Variants in KANK3 observed in about 807,000 individuals in gnomAD.
The protein encoded by KANK3 is KN motif and ankyrin repeat domains 3, also known as KN motif and ankyrin repeat domain-containing protein 3.
In KANK3, 61 loss-of-function variants were observed where a neutral mutation model predicts 65.4. The ratio of observed to expected loss-of-function variants is 0.93; its 90% CI spans 0.76 to 1.15. The LOEUF (loss-of-function observed/expected upper bound fraction) is 1.15, where lower values mean the gene tolerates loss of function less well. Ranked by LOEUF, KANK3 falls within the 50% of genes most tolerant of loss-of-function variation. The pLI, the probability that KANK3 is intolerant of heterozygous loss-of-function variation, is 0.00. For synonymous variants in KANK3, 586 were observed against 543.3 expected (o/e 1.08, Z -1.09); for missense variants, 1,187 against 1,178.8 (o/e 1.01, Z -0.10).
At chr19:8,325,932 T>C (rs139046924) in intron 7 of KANK3, among the ~76,000 whole-genome samples, 2,365 of 152,226 alleles carry the variant, frequency 0.016, 62 homozygotes, top group African/African-American at 0.055. Flanking sequence ...GTTTAAGCGA[T>C]TCTTCTGCCT....
intron 7 of KANK3, among the ~76,000 whole-genome samples, chr19:8,328,690 C>T (rs113834565): frequency 0.016 from 2,467 of 151,996 alleles, 70 homozygotes; most frequent in African/African-American, 0.057. Flanking sequence ...GCCTGTGAGC[C>T]GAGAAGCTGG....
Position 8,324,655 on chromosome 19 carries a change from C to G in KANK3, c.2258G>C (p.Gly753Ala). ...DTVRLLLTQP[G>A]CDPAILDNEG... Reference sequence around the variant, plus strand: ...ATTGTCCAGGATGGCAGGGTCACAGCCTGGCTGGGTGAGCAGCAGCCGCAC... The same window carrying G: ...ATTGTCCAGGATGGCAGGGTCACAGGCTGGCTGGGTGAGCAGCAGCCGCAC... The change falls in exon 9 of 11, where the codon GGC becomes GCC. Residue 753 changes from glycine (G) to alanine (A), a missense_variant. Coordinates refer to ENST00000330915, the MANE Select transcript of KANK3 (RefSeq NM_198471.3). 6.2e-7 allele frequency: 1 copy of G among 1,614,022 alleles called. No individual in the cohort carries two copies. Among genetic ancestry groups the G allele is most frequent in the South Asian group, 1.1e-5 (1 of 91,088 alleles).
chr19:8,335,207 A>C lies in KANK3; in HGVS notation c.620T>G (p.Leu207Arg), dbSNP rs1247973207. 1.6e-5 allele frequency: 20 copies of C among 1,219,352 alleles called. No homozygotes were observed. Among genetic ancestry groups the C allele is most frequent in the Non-Finnish European group, 1.9e-5 (19 of 979,926 alleles). 75.5% of individuals were successfully genotyped at this position (1,219,352 alleles called of 1,614,324 possible). Residue 207 changes from leucine to arginine, a missense_variant, in exon 3 of 11, where the codon CTG becomes CGG. Leu to Arg is a moderately radical substitution (Grantham distance 102, BLOSUM62 -2). This residue lies in a region of KANK3 where 1,078 missense variants were observed against 1,038.2 expected (regional missense o/e 1.04). Transcript: ENST00000330915. ...LRELEDQART[L>R]PELQEQVRAL... ...GCGCACCTGCTCCTGCAGCTCGGGC[A>C]GCGTTCGCGCCTGGTCCTCGAGCTC... is the stretch of plus-strand genomic sequence containing the variant.
Position 8,322,817 on chromosome 19 carries a change from GTA to G in KANK3, c.*20_*21del. On this transcript the variant is annotated 3_prime_UTR_variant, in exon 11 of 11. Transcript: ENST00000330915. ...CGAGGAGATCTCCCCACAGCTAGGT[GTA>G]GTGAGCCAGACGAGGCAGCTTACTG... is the stretch of plus-strand genomic sequence containing the variant. 6.4e-7 allele frequency: 1 copy of G among 1,572,680 alleles called. No individual in the cohort carries two copies. The highest frequency in any genetic ancestry group is 8.7e-7 in the Non-Finnish European group (1 of 1,145,082).
At chr19:8,338,029 T>TG in intron 1 of KANK3, 173 bp from the exon 2 acceptor site, 1 of 957,732 alleles carries the variant, frequency 1.0e-6, no homozygotes. Flanking sequence ...TTTTTTTTTT[T>TG]TTTTTTTTTT....
At position 8,333,080 on chromosome 19, in the gene KANK3, T is replaced by C; in HGVS notation, c.1870A>G (p.Asn624Asp). ...HVVNLADGNG[N>D]TALHYSVSHG... is the part of the protein sequence containing the mutation. ...GACACACTGTAGTGCAGGGCCGTGT[T>C]CCCGTTGCCATCCGCCAGGTTCACC... Residue 624 changes from asparagine to aspartate, a missense_variant, in exon 7 of 11, where the codon AAC becomes GAC. By Grantham distance (23) the Asn-to-Asp change is conservative. This residue lies in a region of KANK3 where 1,078 missense variants were observed against 1,038.2 expected (regional missense o/e 1.04). Transcript: ENST00000330915. This position sits in a 1 kb window ranked among gnomAD's most constrained non-coding sequence, Gnocchi z 5.0. 1 of 1,520,458 alleles carries C rather than the reference T, an allele frequency of 6.6e-7. No individual in the cohort carries two copies. The highest frequency in any genetic ancestry group is 1.1e-5 in the South Asian group (1 of 89,898). The allele number at this position is 1,520,458 out of a possible 1,614,324, so 94.2% of individuals were successfully genotyped here. A position where few individuals can be genotyped will look rare whatever the true frequency, so the allele number is the denominator to read the frequency against.
intron 7 of KANK3, among the ~76,000 whole-genome samples, chr19:8,327,977 C>T (rs1274407229): frequency 6.6e-6 from 1 of 152,136 alleles, no homozygotes; most frequent in East Asian, 1.9e-4. Context: ...CTTGACCTTG[C>T]TTAACTAAAG....
chr19:8,331,128 G>A (rs1396802138), intron 7 of KANK3, among the ~76,000 whole-genome samples: 2 of 151,922 alleles, frequency 1.3e-5, no homozygotes, highest in African/African-American at 2.4e-5. Context: ...GGGAGGCGTA[G>A]GTTGCAGTGA....
At position 8,332,951 on chromosome 19, in the gene KANK3, C is replaced by T. The variant is rs1192190012; in HGVS notation, c.1936+63G>A. ...CTCTCCAGAGTCTTTGAGCCTAGGT[C>T]AGCCCCTGCCCTCTCCCCCCACCCA... On this transcript the variant is annotated intron_variant, in intron 7 of 10. Transcript: ENST00000330915. The T allele has an allele frequency of 2.9e-6, 4 of 1,372,124 alleles. No individual in the cohort carries two copies. The East Asian group carries it at 1.0e-4, about 34-fold the overall frequency. The allele number at this position is 1,372,124 out of a possible 1,614,324, so 85.0% of individuals were successfully genotyped here. A position where few individuals can be genotyped will look rare whatever the true frequency, so the allele number is the denominator to read the frequency against.
chr19:8,334,963 G>A lies in KANK3; in HGVS notation c.864C>T (p.Asp288=), dbSNP rs1454183820. 6.7e-7 allele frequency: 1 copy of A among 1,495,106 alleles called. No individual in the cohort carries two copies. The highest frequency in any genetic ancestry group is 8.8e-7 in the Non-Finnish European group (1 of 1,132,566). The allele number at this position is 1,495,106 out of a possible 1,614,324, so 92.6% of individuals were successfully genotyped here. A position where few individuals can be genotyped will look rare whatever the true frequency, so the allele number is the denominator to read the frequency against. Residue 288 remains aspartate (D), a synonymous_variant, in exon 3 of 11, where the codon GAC becomes GAT. Coordinates refer to ENST00000330915, the MANE Select transcript of KANK3 (RefSeq NM_198471.3). ...GRSEGALQVL[D]GEVGSLDGTP... ...TCCCATCGAGACTCCCGACCTCCCC[G>A]TCGAGGACCTGGAGCGCGCCCTCGC...
In KANK3 at chr19:8,334,003, G is replaced by T. The variant is rs1452263683; in HGVS notation, c.1541C>A (p.Ser514Tyr). ...GGGAGGGCCAGGGGTGCCCGAGTCG[G>T]ATCCCCCGCCGCTGTCATCCCCGGA... is the stretch of plus-strand genomic sequence containing the variant. Reference protein sequence around the residue: ...SGSGDDSGGGSDSGTPGPPSG... With the variant: ...SGSGDDSGGGYDSGTPGPPSG... Residue 514 changes from serine to tyrosine, a missense_variant, in exon 5 of 11, where the codon TCC becomes TAC. Transcript: ENST00000330915. The T allele has an allele frequency of 4.5e-6, 7 of 1,554,616 alleles. No individual in the cohort carries two copies. Among genetic ancestry groups the T allele is most frequent in the Middle Eastern group, 3.9e-4 (2 of 5,138 alleles).
At chr19:8,341,993 T>G (rs1970727629) in intron 1 of KANK3, among the ~76,000 whole-genome samples, 1 of 152,040 alleles carries the variant, frequency 6.6e-6, no homozygotes, top group Admixed American at 6.6e-5. Flanking sequence ...TACACTTGAA[T>G]GCTTTCTTTT....
At chr19:8,328,355 C>T (rs184280679) in intron 7 of KANK3, among the ~76,000 whole-genome samples, 2 of 149,930 alleles carry the variant, frequency 1.3e-5, no homozygotes, top group Non-Finnish European at 3.0e-5. Context: ...ACTTGATAAT[C>T]GTCTCTCTCC....
chr19:8,328,692 A>G (rs1970471468), intron 7 of KANK3, among the ~76,000 whole-genome samples: 1 of 152,038 alleles, frequency 6.6e-6, no homozygotes, highest in African/African-American at 2.4e-5. Flanking sequence ...CTGTGAGCCG[A>G]GAAGCTGGGA....
At chr19:8,327,824 T>C (rs1970455686) in intron 7 of KANK3, among the ~76,000 whole-genome samples, 1 of 152,086 alleles carries the variant, frequency 6.6e-6, no homozygotes, top group Admixed American at 6.6e-5. Flanking sequence ...GCTGTGTGGG[T>C]GTCCATGCCT....
Position 8,334,504 on chromosome 19 carries a change from G to C in KANK3, c.1323C>G (p.Pro441=), listed in dbSNP as rs766634780. 6.2e-7 allele frequency: 1 copy of C among 1,604,900 alleles called. No individual in the cohort carries two copies. Among genetic ancestry groups the C allele is most frequent in the East Asian group, 2.2e-5 (1 of 44,852 alleles). Residue 441 remains proline, a synonymous_variant, in exon 3 of 11, where the codon CCC becomes CCG. Coordinates refer to ENST00000330915, the MANE Select transcript of KANK3 (RefSeq NM_198471.3). ...GSMDGDRAVA[P]AGILKSIMKK... The stretch of plus-strand genomic sequence containing the variant: ...AGCGACGGGGTCGGGACTCACCCGC[G>C]GGCGCCACGGCCCTGTCTCCGTCCA...
chr19:8,338,012 T>C (rs1970671825), intron 1 of KANK3, 156 bp from the exon 2 acceptor site: 1 of 706,008 alleles, frequency 1.4e-6, no homozygotes, highest in Non-Finnish European at 1.7e-6. Flanking sequence ...TAAAGAAACC[T>C]TGAAACTTTT....
rs1485248436 is a variant in KANK3 at position 8,334,699 on chromosome 19, C to T, written c.1128G>A (p.Leu376=). The T allele has an allele frequency of 6.5e-7, 1 of 1,532,386 alleles. No individual in the cohort carries two copies. The highest frequency in any genetic ancestry group is 8.7e-7 in the Non-Finnish European group (1 of 1,145,984). The allele number at this position is 1,532,386 out of a possible 1,614,324, so 94.9% of individuals were successfully genotyped here. ...CCTCGCGGGCTTCCTCCAGCTCCCGCAACCGGCCCCGCAGAAGCTCACTCA... is the reference window on the plus strand; with the variant it reads ...CCTCGCGGGCTTCCTCCAGCTCCCGTAACCGGCCCCGCAGAAGCTCACTCA... ...RGVSELLRGR[L]RELEEAREAA... is the part of the protein sequence containing the mutation. The change falls in exon 3 of 11, where the codon TTG becomes TTA. Residue 376 remains leucine, a synonymous_variant. Coordinates refer to ENST00000330915, the MANE Select transcript of KANK3 (RefSeq NM_198471.3).
chr19:8,325,745 C>G (rs997408196), intron 7 of KANK3, among the ~76,000 whole-genome samples: 7 of 152,158 alleles, frequency 4.6e-5, no homozygotes, highest in African/African-American at 1.7e-4. Context: ...CGCCAAGCCA[C>G]CATCATTGCT....
Sources: allele counts gnomAD v4.1 joint callset (sites outside exome capture counted in the v4.1 genomes callset), GRCh38; gene constraint gnomAD v4.1.1; regional missense constraint gnomAD v4.1.1; non-coding constraint Gnocchi (gnomAD v3.1); transcripts MANE v1.5; gene names NCBI Gene and HGNC (gene_info 2026-07-23, HGNC 2026-07-21).